DPYD: variants seen among roughly 807,000 people sequenced by gnomAD.
The protein encoded by DPYD is dihydropyrimidine dehydrogenase [NADP(+)].
In DPYD, 109 loss-of-function variants were observed where a neutral mutation model predicts 116.2. The observed-to-expected ratio is 0.94, with a 90% CI of 0.80 to 1.10. The LOEUF is 1.10. Ranked by LOEUF, DPYD falls within the 50% of genes least tolerant of loss-of-function variation. The pLI is 0.00. For missense variants in DPYD, 1,302 were observed against 1,254.5 expected (o/e 1.04, Z -0.57); for synonymous variants, 440 against 432.0 (o/e 1.02, Z -0.23).
At position 97,093,663 on chromosome 1, in the gene DPYD, G is replaced by A. The variant is rs535848998; in HGVS notation, c.2766+4826C>T. Among the ~76,000 whole-genome samples the A allele has an allele frequency of 3.3e-5, 5 of 152,284 alleles. No homozygotes were observed. In the East Asian group the frequency reaches 9.7e-4, roughly 29 times the overall value. The stretch of plus-strand genomic sequence containing the variant: ...GCCATAGTTTGAACCTAGGCAGTGT[G>A]ACAGAGTAGTCCCATGCCTAATTCA... On this transcript the variant is annotated intron_variant, in intron 21 of 22. Coordinates refer to ENST00000370192, the MANE Select transcript of DPYD (RefSeq NM_000110.4).
intron 3 of DPYD, among the ~76,000 whole-genome samples, chr1:97,794,128 G>C (rs1667454978): frequency 6.6e-6 from 1 of 152,100 alleles, no homozygotes; most frequent in South Asian, 2.1e-4. Flanking sequence ...AGTAAGGATA[G>C]AGTTTCACCA....
At position 97,098,550 on chromosome 1, in the gene DPYD, A is replaced by T; in HGVS notation, c.2705T>A (p.Val902Glu). The T allele has an allele frequency of 6.2e-7, 1 of 1,613,250 alleles. No individual in the cohort carries two copies. The highest frequency in any genetic ancestry group is 8.5e-7 in the Non-Finnish European group (1 of 1,179,484). Residue 902 changes from valine (V) to glutamate (E), a missense_variant, in exon 21 of 23, where the codon GTA (valine) becomes GAA (glutamate). Val to Glu is a moderately radical substitution (Grantham distance 121). Coordinates refer to ENST00000370192, the MANE Select transcript of DPYD (RefSeq NM_000110.4). ...GTTTCTCTTAAGTGGTGAAAAAGCT[A>T]CATTTTGTTCTTTCAGTCTAATCTT... ...ENKIRLKEQN[V>E]AFSPLKRNCF... is the part of the protein sequence containing the mutation.
At chr1:97,491,740 C>G (rs963493954) in intron 13 of DPYD, among the ~76,000 whole-genome samples, 1 of 151,928 alleles carries the variant, frequency 6.6e-6, no homozygotes, top group South Asian at 2.1e-4. Flanking sequence ...GCTGTTAAAG[C>G]TATTTTAATC....
At chr1:97,363,538 A>G (rs999071462) in intron 16 of DPYD, among the ~76,000 whole-genome samples, 2 of 152,146 alleles carry the variant, frequency 1.3e-5, no homozygotes, top group Admixed American at 1.3e-4. Context: ...AATAGCAAAA[A>G]CTTGGAAGCA....
chr1:97,364,468 T>G (rs571416895), intron 16 of DPYD, among the ~76,000 whole-genome samples: 1 of 152,334 alleles, frequency 6.6e-6, no homozygotes, highest in African/African-American at 2.4e-5. Context: ...GAGTCAAAGA[T>G]GTTTAAGACA....
intron 14 of DPYD, among the ~76,000 whole-genome samples, chr1:97,410,399 C>A (rs916281129): frequency 1.3e-5 from 2 of 152,094 alleles, no homozygotes. Flanking sequence ...TAGGACTGTT[C>A]TTAGAATTAT....
chr1:97,665,680 C>T (rs1659516322), intron 8 of DPYD, among the ~76,000 whole-genome samples: 1 of 152,142 alleles, frequency 6.6e-6, no homozygotes, highest in Non-Finnish European at 1.5e-5. Flanking sequence ...TCAGATGAGT[C>T]TATCTTTAAT....
At chr1:97,853,622 T>G (rs1224236181) in intron 2 of DPYD, among the ~76,000 whole-genome samples, 1 of 152,210 alleles carries the variant, frequency 6.6e-6, no homozygotes, top group Non-Finnish European at 1.5e-5. Context: ...CAGCTACAGT[T>G]TATTTAAAAT....
intron 10 of DPYD, among the ~76,000 whole-genome samples, chr1:97,589,108 C>T (rs2102239527): frequency 6.6e-6 from 1 of 152,184 alleles, no homozygotes; most frequent in African/African-American, 2.4e-5. Context: ...CTTAATGCAC[C>T]CTAAAGTTTG....
At chr1:97,098,765 C>T in intron 20 of DPYD, 133 bp from the exon 21 acceptor site, 1 of 1,037,614 alleles carries the variant, frequency 9.6e-7, no homozygotes, top group Admixed American at 2.2e-5. Flanking sequence ...GTAACTAGGT[C>T]TTCACTCATT....
chr1:97,526,253 C>T (rs1322335305), intron 12 of DPYD, among the ~76,000 whole-genome samples: 3 of 152,076 alleles, frequency 2.0e-5, no homozygotes, highest in East Asian at 1.9e-4. Flanking sequence ...TGGGAATTCT[C>T]GAGGAAAGTA....
intron 3 of DPYD, among the ~76,000 whole-genome samples, chr1:97,819,449 C>G (rs564062414): frequency 6.6e-6 from 1 of 151,796 alleles, no homozygotes; most frequent in South Asian, 2.1e-4. Flanking sequence ...TGTTTTTCAA[C>G]ACTTTGAAAA....
intron 13 of DPYD, among the ~76,000 whole-genome samples, chr1:97,495,252 G>C (rs1193905110): frequency 6.6e-6 from 1 of 152,076 alleles, no homozygotes; most frequent in African/African-American, 2.4e-5. Flanking sequence ...AGGAGAGAGA[G>C]AGATGTCAAA....
chr1:97,388,757 G>A (rs1370745974), intron 14 of DPYD, among the ~76,000 whole-genome samples: 1 of 152,058 alleles, frequency 6.6e-6, no homozygotes, highest in African/African-American at 2.4e-5. Context: ...ACAAATGAAG[G>A]CAGCCTGTAC....
At chr1:97,364,466 G>T (rs1044573602) in intron 16 of DPYD, among the ~76,000 whole-genome samples, 1 of 152,134 alleles carries the variant, frequency 6.6e-6, no homozygotes, top group African/African-American at 2.4e-5. Context: ...AAGAGTCAAA[G>T]ATGTTTAAGA....
At chr1:97,310,675 T>G (rs1470781202) in intron 16 of DPYD, among the ~76,000 whole-genome samples, 1 of 151,772 alleles carries the variant, frequency 6.6e-6, no homozygotes, top group Non-Finnish European at 1.5e-5. Context: ...CCAACCACTT[T>G]GGAAATTAGT....
intron 11 of DPYD, among the ~76,000 whole-genome samples, chr1:97,562,243 A>C (rs564371692): frequency 6.6e-6 from 1 of 152,318 alleles, no homozygotes; most frequent in East Asian, 1.9e-4. Context: ...TAGATTCCAA[A>C]GTATGAGAGT....
At chr1:97,765,843 T>C (rs904600407) in intron 3 of DPYD, among the ~76,000 whole-genome samples, 1 of 152,148 alleles carries the variant, frequency 6.6e-6, no homozygotes, top group African/African-American at 2.4e-5. Context: ...GGCTGATAAT[T>C]GATGCAAAAG....
intron 8 of DPYD, among the ~76,000 whole-genome samples, chr1:97,605,868 G>A (rs919480602): frequency 6.6e-6 from 1 of 151,818 alleles, no homozygotes; most frequent in African/African-American, 2.4e-5. Context: ...TACCTTTCTT[G>A]ATATTTTTTC....
Sources: gnomAD v4.1 joint callset for allele counts (sites outside exome capture counted in the v4.1 genomes callset) on GRCh38, gnomAD v4.1.1 for gene constraint, MANE v1.5 for transcripts, NCBI Gene and HGNC (gene_info 2026-07-23, HGNC 2026-07-21) for gene names.